Variants in IL1RAPL1 observed in about 807,000 individuals in gnomAD.
The protein encoded by IL1RAPL1 is interleukin-1 receptor accessory protein-like 1.
Under a neutral mutation model 48.4 loss-of-function variants are expected in IL1RAPL1, and 3 were observed. The observed-to-expected ratio is 0.06, with a 90% CI of 0.03 to 0.16. IL1RAPL1 has a LOEUF of 0.16. Among genes scored for constraint, IL1RAPL1 ranks in the 10% least tolerant of loss-of-function variants. The pLI is 1.00. For missense variants in IL1RAPL1, 349 were observed against 530.6 expected, an observed-to-expected ratio of 0.66 and a Z score of 3.36; for synonymous variants, 185 against 187.7, an observed-to-expected ratio of 0.99 and a Z score of 0.12.
chrX:29,067,109 T>G (rs753571703), intron 2 of IL1RAPL1, among the ~76,000 whole-genome samples: 154 of 111,601 alleles, frequency 1.4e-3, no homozygotes, highest in Admixed American at 3.1e-3. Flanking sequence ...GTTTGTTTGT[T>G]TTTAATAATT....
At chrX:29,391,622 T>A (rs2147682513) in intron 3 of IL1RAPL1, among the ~76,000 whole-genome samples, 1 of 111,769 alleles carries the variant, frequency 8.9e-6, no homozygotes, top group African/African-American at 3.2e-5. Flanking sequence ...CTGAAGAAAA[T>A]TTGAAAATTT....
chrX:29,502,641 T>C (rs1246822035), intron 5 of IL1RAPL1, among the ~76,000 whole-genome samples: 1 of 111,584 alleles, frequency 9.0e-6, no homozygotes, highest in African/African-American at 3.3e-5. Flanking sequence ...GAATCATCCT[T>C]GCATCCCAAG....
At chrX:29,933,506 G>C (rs867958938) in intron 8 of IL1RAPL1, among the ~76,000 whole-genome samples, 8 of 110,508 alleles carry the variant, frequency 7.2e-5, no homozygotes, top group South Asian at 3.8e-4. Context: ...TGGAATTTTA[G>C]AATAGAAACA....
At chrX:29,760,653 A>G (rs568408792) in intron 6 of IL1RAPL1, among the ~76,000 whole-genome samples, 1 of 110,908 alleles carries the variant, frequency 9.0e-6, no homozygotes, top group African/African-American at 3.3e-5. Context: ...TGATTTAGCT[A>G]CTTACATGTT....
At chrX:29,802,229 A>G (rs1929928132) in intron 6 of IL1RAPL1, among the ~76,000 whole-genome samples, 1 of 111,895 alleles carries the variant, frequency 8.9e-6, no homozygotes, top group Non-Finnish European at 1.9e-5. Flanking sequence ...TCAGAGGAAA[A>G]CTGTGATGGT....
At chrX:28,802,739 A>C (rs151100904) in intron 2 of IL1RAPL1, among the ~76,000 whole-genome samples, 8 of 112,071 alleles carry the variant, frequency 7.1e-5, no homozygotes, top group South Asian at 3.6e-4. Flanking sequence ...ATCAGAAAAA[A>C]TGCAACTATC....
chrX:29,167,099 T>C (rs1259557856), intron 2 of IL1RAPL1, among the ~76,000 whole-genome samples: 2 of 112,104 alleles, frequency 1.8e-5, no homozygotes, highest in Admixed American at 9.6e-5. Context: ...TAAGGCCGTA[T>C]GTTCTTTGTT....
intron 2 of IL1RAPL1, among the ~76,000 whole-genome samples, chrX:28,993,382 C>CA (rs956754470): frequency 3.6e-5 from 4 of 111,332 alleles, no homozygotes; most frequent in Non-Finnish European, 7.5e-5. Flanking sequence ...TGCCATTGTC[C>CA]AGAGGAGACA....
chrX:28,992,219 G>A (rs1022632761), intron 2 of IL1RAPL1, among the ~76,000 whole-genome samples: 12 of 111,230 alleles, frequency 1.1e-4, no homozygotes, highest in African/African-American at 2.6e-4. Flanking sequence ...GGCTGGGTGC[G>A]GTGGCTCACA....
intron 2 of IL1RAPL1, among the ~76,000 whole-genome samples, chrX:29,014,734 C>A (rs941271817): frequency 9.0e-6 from 1 of 111,585 alleles, no homozygotes; most frequent in African/African-American, 3.3e-5. Context: ...ATTGTAGTCC[C>A]CCAAACAGTG....
intron 6 of IL1RAPL1, among the ~76,000 whole-genome samples, chrX:29,885,762 G>A (rs1676117441): frequency 9.0e-6 from 1 of 111,573 alleles, no homozygotes; most frequent in African/African-American, 3.3e-5. Flanking sequence ...GAGGATGCAG[G>A]GAACTATGAG....
intron 6 of IL1RAPL1, among the ~76,000 whole-genome samples, chrX:29,717,931 A>G (rs1927527438): frequency 1.8e-5 from 2 of 112,100 alleles, no homozygotes; most frequent in African/African-American, 6.5e-5. Flanking sequence ...TGAGACCCAG[A>G]AATTTCTACC....
At chrX:29,852,279 G>T (rs1253968232) in intron 6 of IL1RAPL1, among the ~76,000 whole-genome samples, 1 of 112,016 alleles carries the variant, frequency 8.9e-6, no homozygotes, top group Non-Finnish European at 1.9e-5. Flanking sequence ...GCTCATTGAA[G>T]AAACTAAATT....
intron 1 of IL1RAPL1, among the ~76,000 whole-genome samples, chrX:28,771,183 A>C (rs781324315): frequency 8.9e-6 from 1 of 111,755 alleles, no homozygotes; most frequent in East Asian, 2.8e-4. Flanking sequence ...TTGAGAGGCC[A>C]ATAGAAGTTT....
intron 1 of IL1RAPL1, among the ~76,000 whole-genome samples, chrX:28,736,314 A>T (rs1263767182): frequency 9.1e-6 from 1 of 109,704 alleles, no homozygotes; most frequent in Non-Finnish European, 1.9e-5. Flanking sequence ...GGCACCTGTA[A>T]TCCCAGCTAC....
chrX:29,883,205 G>A (rs1019057311), intron 6 of IL1RAPL1, among the ~76,000 whole-genome samples: 3 of 110,682 alleles, frequency 2.7e-5, no homozygotes, highest in Admixed American at 9.6e-5. Context: ...CTGATATAAT[G>A]AAGCTGATTA....
At position 29,883,318 on chromosome X, in the gene IL1RAPL1, A is replaced by T. The variant is rs1042032613; in HGVS notation, c.779-34146A>T. 2.7e-5 allele frequency among the ~76,000 whole-genome samples: 3 copies of T among 110,934 alleles called. No individual in the cohort carries two copies. The South Asian group carries it at 1.2e-3, about 44-fold the overall frequency. ...TCTTATCATTAGCACCACTCCAGCT[A>T]TGGAGCTGTCAGCATTTTCAGCCTA... On this transcript the variant is annotated intron_variant, in intron 6 of 10. Coordinates refer to ENST00000378993, the MANE Select transcript of IL1RAPL1 (RefSeq NM_014271.4).
intron 2 of IL1RAPL1, among the ~76,000 whole-genome samples, chrX:29,127,083 A>G (rs920385808): frequency 9.0e-6 from 1 of 111,713 alleles, no homozygotes; most frequent in Non-Finnish European, 1.9e-5. Context: ...ATAAGTAGGT[A>G]CCACTTTTTA....
intron 2 of IL1RAPL1, among the ~76,000 whole-genome samples, chrX:29,165,023 A>G (rs1169374908): frequency 8.9e-6 from 1 of 112,189 alleles, no homozygotes; most frequent in Non-Finnish European, 1.9e-5. Context: ...TTCAGGATAC[A>G]TAGTTTTAAA....
Sources: allele counts gnomAD v4.1 joint callset (sites outside exome capture counted in the v4.1 genomes callset), GRCh38; gene constraint gnomAD v4.1.1; transcripts MANE v1.5; gene names NCBI Gene and HGNC (gene_info 2026-07-23, HGNC 2026-07-21).